TMPRSS4: variants seen among roughly 807,000 people sequenced by gnomAD.
The protein encoded by TMPRSS4 is transmembrane serine protease 4.
Under a neutral mutation model 56.4 loss-of-function variants are expected in TMPRSS4, and 45 were observed. That is an observed-to-expected ratio of 0.80 (90% CI 0.63 to 1.02). The LOEUF (loss-of-function observed/expected upper bound fraction) is 1.02, where lower values mean the gene tolerates loss of function less well. TMPRSS4 is among the 50% of genes least tolerant of loss of function. The pLI is 0.00. For missense variants in TMPRSS4, 546 were observed against 556.7 expected (o/e 0.98, Z 0.19); for synonymous variants, 205 against 211.0 (o/e 0.97, Z 0.25).
rs950982257 is a variant in TMPRSS4 at position 118,114,772 on chromosome 11, G to T, written c.911-57G>T. The T allele has an allele frequency of 2.7e-6, 4 of 1,491,568 alleles. No individual in the cohort carries two copies. The African/African-American group carries it at 4.2e-5, about 16-fold the overall frequency. 92.4% of individuals were successfully genotyped at this position (1,491,568 alleles called of 1,614,324 possible). A position where few individuals can be genotyped will look rare whatever the true frequency, so the allele number is the denominator to read the frequency against. On this transcript the variant is annotated intron_variant, in intron 9 of 12. Coordinates refer to ENST00000437212, the MANE Select transcript of TMPRSS4 (RefSeq NM_019894.4). ...TAATCATAAAGCATCATAATTTACA[G>T]AAAATTAACACTTATGATGAATAAA... is the stretch of plus-strand genomic sequence containing the variant.
intron 11 of TMPRSS4, among the ~76,000 whole-genome samples, chr11:118,116,290 C>T (rs922730818): frequency 2.0e-5 from 3 of 152,126 alleles, no homozygotes; most frequent in Non-Finnish European, 4.4e-5. Context: ...CCTACTCTCA[C>T]CTCCATTTCC....
At chr11:118,093,325 C>G (rs965511012) in intron 1 of TMPRSS4, among the ~76,000 whole-genome samples, 1 of 152,222 alleles carries the variant, frequency 6.6e-6, no homozygotes, top group Non-Finnish European at 1.5e-5. Context: ...AAATTTCCAG[C>G]CAGAAATGTA....
rs746721745 is a variant in TMPRSS4, at chr11:118,107,888, A to G, written c.542+13A>G. ...GGAACTCAAGTGGGTAAGTGAGGGG[A>G]CACCTTCTGGCCTACAGAAGGCCCC... is the stretch of plus-strand genomic sequence containing the variant. On this transcript the variant is annotated intron_variant, in intron 6 of 12. Coordinates refer to ENST00000437212, the MANE Select transcript of TMPRSS4 (RefSeq NM_019894.4). The G allele has an allele frequency of 1.2e-6, 2 of 1,612,216 alleles. No homozygotes were observed. The highest frequency in any genetic ancestry group is 3.3e-5 in the Admixed American group (2 of 59,968).
downstream of TMPRSS4, among the ~76,000 whole-genome samples, chr11:118,123,505 G>A (rs1947834335): frequency 6.6e-6 from 1 of 151,918 alleles, no homozygotes; most frequent in Non-Finnish European, 1.5e-5. Flanking sequence ...ACAAATCAAT[G>A]TCATGTAATT....
At chr11:118,079,778 C>A (rs1039970712) in intron 1 of TMPRSS4, among the ~76,000 whole-genome samples, 1 of 152,098 alleles carries the variant, frequency 6.6e-6, no homozygotes, top group Non-Finnish European at 1.5e-5. Flanking sequence ...AGCCAGCCTG[C>A]GGGCAGCGGG....
At chr11:118,109,997 ATAAGCCAAGACC>A (rs1367004545) in intron 7 of TMPRSS4, among the ~76,000 whole-genome samples, 1 of 152,204 alleles carries the variant, frequency 6.6e-6, no homozygotes, top group Non-Finnish European at 1.5e-5. Context: ...TGTTTTACCA[ATAAGCCAAGACC>A]TAAGCTCAAC....
chr11:118,109,690 T>G (rs762378278), intron 7 of TMPRSS4, among the ~76,000 whole-genome samples: 20 of 152,202 alleles, frequency 1.3e-4, no homozygotes, highest in Admixed American at 1.3e-4. Flanking sequence ...ACAAGCTTCA[T>G]AGAGAACTGA....
chr11:118,107,973 G>C, intron 6 of TMPRSS4, 98 bp downstream of exon 6: 2 of 938,266 alleles, frequency 2.1e-6, no homozygotes, highest in Non-Finnish European at 3.3e-6. Flanking sequence ...GCAGCCAGGG[G>C]AATGTAAGCA....
At chr11:118,078,964 AAG>A in intron 1 of TMPRSS4, among the ~76,000 whole-genome samples, 1 of 152,282 alleles carries the variant, frequency 6.6e-6, no homozygotes, top group East Asian at 1.9e-4. Context: ...CTTAGGACTA[AAG>A]AGGAGTCTGT....
At position 118,115,188 on chromosome 11, in the gene TMPRSS4, A is replaced by C; in HGVS notation, c.1060A>C (p.Thr354Pro). 6.2e-7 allele frequency: 1 copy of C among 1,612,860 alleles called. No individual in the cohort carries two copies. The change falls in exon 11 of 13, where the codon ACA becomes CCA. Residue 354 changes from threonine to proline, a missense_variant. Physicochemically the swap from Thr to Pro is conservative, Grantham distance 38. Transcript: ENST00000437212. ...LQASVQVIDS[T>P]RCNADDAYQG... ...GGCGTCAGTCCAGGTCATTGACAGC[A>C]CACGGTGCAATGCAGACGATGCGTA...
chr11:118,108,863 C>G lies in TMPRSS4; in HGVS notation c.550C>G (p.Leu184Val). 1 of 1,614,126 alleles carries G rather than the reference C, an allele frequency of 6.2e-7. No homozygotes were observed. The highest frequency in any genetic ancestry group is 8.5e-7 in the Non-Finnish European group (1 of 1,180,002). ...LRMRNSSGPCLSGSLVSLHCL... is the reference protein window; with the variant it reads ...LRMRNSSGPCVSGSLVSLHCL... Reference sequence around the variant, plus strand: ...GCTGTGTCTGTCTTCCAGGCCCTGTCTCTCAGGCTCCCTGGTCTCCCTGCA... The same window carrying G: ...GCTGTGTCTGTCTTCCAGGCCCTGTGTCTCAGGCTCCCTGGTCTCCCTGCA... Residue 184 changes from leucine (L) to valine (V), a missense_variant, in exon 7 of 13, where the codon CTC becomes GTC. By Grantham distance (32) the Leu-to-Val change is conservative. Transcript: ENST00000437212.
chr11:118,110,302 T>C (rs1003113363), intron 7 of TMPRSS4, among the ~76,000 whole-genome samples: 4 of 151,850 alleles, frequency 2.6e-5, no homozygotes, highest in African/African-American at 9.7e-5. Flanking sequence ...GAAGACAATT[T>C]TTCCGCAAAC....
intron 4 of TMPRSS4, 142 bp downstream of exon 4, chr11:118,103,395 G>GT (rs1565430416): frequency 8.8e-4 from 114 of 130,228 alleles, no homozygotes; most frequent in Non-Finnish European, 1.7e-3. Flanking sequence ...TTTGTTTGTT[G>GT]TTGTTTTGAG....
rs971298824 is a variant in TMPRSS4, at chr11:118,120,655, T to C, written c.*2742T>C. On this transcript the variant is annotated 3_prime_UTR_variant, in exon 13 of 13. Transcript: ENST00000437212. ...AAGAGAGAACAAATGAACTGGAAGATAAATTGAAGAAGTGACTAGGCTTAA... is the reference window on the plus strand; with the variant it reads ...AAGAGAGAACAAATGAACTGGAAGACAAATTGAAGAAGTGACTAGGCTTAA... The C allele has an allele frequency of 1.3e-5, 2 of 152,088 alleles. No homozygotes were observed. The highest frequency in any genetic ancestry group is 1.5e-5 in the Non-Finnish European group (1 of 68,032). The allele number at this position is 152,088 out of a possible 1,614,324, so 9.4% of individuals were successfully genotyped here.
chr11:118,096,815 G>C (rs1946315841), intron 2 of TMPRSS4, among the ~76,000 whole-genome samples: 1 of 16,156 alleles, frequency 6.2e-5, no homozygotes, highest in Non-Finnish European at 1.6e-4. Flanking sequence ...AGAGAAAAAA[G>C]AAAGAAAGAG....
chr11:118,116,400 T>A (rs1947550259), intron 11 of TMPRSS4, among the ~76,000 whole-genome samples: 1 of 152,202 alleles, frequency 6.6e-6, no homozygotes, highest in African/African-American at 2.4e-5. Context: ...TCACAGTGGT[T>A]GGGGGAAAGG....
At chr11:118,086,484 G>A (rs143329978) in intron 1 of TMPRSS4, among the ~76,000 whole-genome samples, 155 of 152,368 alleles carry the variant, frequency 1.0e-3, no homozygotes, top group African/African-American at 3.6e-3. Context: ...ATGACTCAAC[G>A]CAAGGCAGTG....
intron 3 of TMPRSS4, among the ~76,000 whole-genome samples, chr11:118,102,557 A>G (rs1047889777): frequency 2.6e-5 from 4 of 152,136 alleles, no homozygotes; most frequent in African/African-American, 9.7e-5. Context: ...AAAATACAAA[A>G]AATTAGCCAA....
chr11:118,087,941 C>T (rs913962847), intron 1 of TMPRSS4, among the ~76,000 whole-genome samples: 1 of 152,212 alleles, frequency 6.6e-6, no homozygotes, highest in Non-Finnish European at 1.5e-5. Flanking sequence ...GTCTCTTGAC[C>T]GCATTCATGG....
Sources: gnomAD v4.1 joint callset for allele counts (sites outside exome capture counted in the v4.1 genomes callset) on GRCh38, gnomAD v4.1.1 for gene constraint, MANE v1.5 for transcripts, NCBI Gene and HGNC (gene_info 2026-07-23, HGNC 2026-07-21) for gene names.